ADAMTS19: variants seen among roughly 807,000 people sequenced by gnomAD.
ADAMTS19 encodes ADAM metallopeptidase with thrombospondin type 1 motif 19, also known as A disintegrin and metalloproteinase with thrombospondin motifs 19.
Under a neutral mutation model 153.3 loss-of-function variants are expected in ADAMTS19, and 93 were observed. That is an observed-to-expected ratio of 0.61 (90% CI 0.51 to 0.72). The LOEUF (loss-of-function observed/expected upper bound fraction) is 0.72. Among genes scored for constraint, ADAMTS19 ranks in the 30% least tolerant of loss-of-function variants. ADAMTS19 has a pLI of 0.00. For missense variants in ADAMTS19, 1,482 were observed against 1,552.1 expected (o/e 0.95, Z 0.76); for synonymous variants, 600 against 556.6 (o/e 1.08, Z -1.10).
intron 21 of ADAMTS19, among the ~76,000 whole-genome samples, chr5:129,728,888 T>G (rs1318463127): frequency 2.0e-5 from 3 of 152,174 alleles, no homozygotes; most frequent in Non-Finnish European, 2.9e-5. Context: ...TTCTGAGACA[T>G]TCAAGCAAAC....
intron 7 of ADAMTS19, among the ~76,000 whole-genome samples, chr5:129,592,686 A>G (rs1750197941): frequency 1.3e-5 from 2 of 152,172 alleles, no homozygotes; most frequent in African/African-American, 4.8e-5. Flanking sequence ...CTTGAGCAAA[A>G]TAAGAATAGG....
chr5:129,504,233 CT>C (rs1364847567), intron 2 of ADAMTS19, among the ~76,000 whole-genome samples: 5 of 152,184 alleles, frequency 3.3e-5, no homozygotes, highest in Non-Finnish European at 5.9e-5. Context: ...CATCCTTGCA[CT>C]TGTCTTATGC....
intron 3 of ADAMTS19, among the ~76,000 whole-genome samples, chr5:129,522,358 T>TAC (rs1409891266): frequency 1.9e-4 from 26 of 137,894 alleles, no homozygotes; most frequent in Non-Finnish European, 3.7e-4. Context: ...TATATATATA[T>TAC]ATATATATGA....
chr5:129,542,293 G>T (rs901782379), intron 6 of ADAMTS19, among the ~76,000 whole-genome samples: 1 of 152,120 alleles, frequency 6.6e-6, no homozygotes, highest in Non-Finnish European at 1.5e-5. Flanking sequence ...GGGTTTCAAT[G>T]TGGGGGGATA....
chr5:129,619,934 AAG>A (rs1416571141), intron 8 of ADAMTS19, among the ~76,000 whole-genome samples: 6 of 152,170 alleles, frequency 3.9e-5, no homozygotes, highest in African/African-American at 1.4e-4. Context: ...AAAGCATAAA[AAG>A]AGAGCAAGAG....
At chr5:129,537,946 CA>C (rs1242580772) in intron 6 of ADAMTS19, among the ~76,000 whole-genome samples, 2 of 149,996 alleles carry the variant, frequency 1.3e-5, no homozygotes, top group Non-Finnish European at 3.0e-5. Context: ...AATAAATACA[CA>C]AAAAAAGAAA....
At chr5:129,547,802 G>A (rs1752917061) in intron 6 of ADAMTS19, among the ~76,000 whole-genome samples, 2 of 150,758 alleles carry the variant, frequency 1.3e-5, no homozygotes, top group African/African-American at 5.0e-5. Context: ...AACCAAAACA[G>A]CATGGTACTG....
chr5:129,686,706 C>A (rs1450447143), intron 18 of ADAMTS19, among the ~76,000 whole-genome samples: 4 of 152,126 alleles, frequency 2.6e-5, no homozygotes, highest in Non-Finnish European at 5.9e-5. Flanking sequence ...GGGCTCAGAG[C>A]TTTGAGGTTC....
intron 6 of ADAMTS19, among the ~76,000 whole-genome samples, chr5:129,537,776 T>TGGGATGG (rs1752504731): frequency 6.7e-6 from 1 of 149,166 alleles, no homozygotes; most frequent in Non-Finnish European, 1.5e-5. Context: ...GGGCCTGTTG[T>TGGGATGG]GGGATGGGGG....
chr5:129,660,164 T>C (rs527821977), intron 15 of ADAMTS19, among the ~76,000 whole-genome samples: 2 of 152,258 alleles, frequency 1.3e-5, no homozygotes, highest in East Asian at 3.9e-4. Flanking sequence ...ACTGAACATC[T>C]TAAAGCCGAG....
At chr5:129,678,948 A>T (rs1315258566) in intron 16 of ADAMTS19, among the ~76,000 whole-genome samples, 4 of 152,190 alleles carry the variant, frequency 2.6e-5, no homozygotes, top group Non-Finnish European at 5.9e-5. Flanking sequence ...TAGGAAAGAC[A>T]GTAAAGTTGT....
chr5:129,656,144 C>T (rs1187495923), intron 14 of ADAMTS19, among the ~76,000 whole-genome samples: 1 of 151,650 alleles, frequency 6.6e-6, no homozygotes, highest in Non-Finnish European at 1.5e-5. Context: ...TTACAGAGTC[C>T]CTGGGTAAAA....
chr5:129,536,940 A>C (rs1469787511), intron 6 of ADAMTS19, among the ~76,000 whole-genome samples: 5 of 151,952 alleles, frequency 3.3e-5, no homozygotes, highest in Admixed American at 6.6e-5. Context: ...GGATAGCATT[A>C]GGAGATATAC....
chr5:129,623,825 T>G (rs1044394412), intron 10 of ADAMTS19, among the ~76,000 whole-genome samples: 1 of 151,334 alleles, frequency 6.6e-6, no homozygotes, highest in African/African-American at 2.4e-5. Flanking sequence ...ATGTGATGTG[T>G]AAAAGGCTGT....
At position 129,686,723 on chromosome 5, in the gene ADAMTS19, G is replaced by T. The variant is rs1210090372; in HGVS notation, c.2818+2450G>T. On this transcript the variant is annotated intron_variant, in intron 18 of 22. Coordinates refer to ENST00000274487, the MANE Select transcript of ADAMTS19 (RefSeq NM_133638.6). ...GCTCAGAGCTTTGAGGTTCTCACCTGACTCCAGGAGCATCTTTGCCAGAGC... is the reference window on the plus strand; with the variant it reads ...GCTCAGAGCTTTGAGGTTCTCACCTTACTCCAGGAGCATCTTTGCCAGAGC... Among the ~76,000 whole-genome samples the T allele has an allele frequency of 1.2e-4, 19 of 152,162 alleles. 1 individual carries two copies. The highest frequency in any genetic ancestry group is 9.8e-4 in the Admixed American group (15 of 15,272).
At chr5:129,653,278 T>A (rs909565478) in intron 13 of ADAMTS19, among the ~76,000 whole-genome samples, 3 of 152,198 alleles carry the variant, frequency 2.0e-5, no homozygotes, top group African/African-American at 7.2e-5. Flanking sequence ...AGGACCTGAC[T>A]GGCATCAAGC....
At chr5:129,709,708 T>G (rs1366546714) in intron 21 of ADAMTS19, among the ~76,000 whole-genome samples, 1 of 152,182 alleles carries the variant, frequency 6.6e-6, no homozygotes, top group Non-Finnish European at 1.5e-5. Context: ...ATTCCTTACG[T>G]ACATACTTAA....
chr5:129,544,681 T>G (rs1476537315), intron 6 of ADAMTS19, among the ~76,000 whole-genome samples: 1 of 152,132 alleles, frequency 6.6e-6, no homozygotes, highest in Non-Finnish European at 1.5e-5. Flanking sequence ...GAGGGAGTTT[T>G]TTGAACTAAA....
intron 6 of ADAMTS19, among the ~76,000 whole-genome samples, chr5:129,529,149 AT>A (rs1752113746): frequency 6.6e-6 from 1 of 152,122 alleles, no homozygotes; most frequent in Non-Finnish European, 1.5e-5. Context: ...ACTAACAAAT[AT>A]TTTTAATATA....
Sources: allele counts gnomAD v4.1 joint callset (sites outside exome capture counted in the v4.1 genomes callset), GRCh38; gene constraint gnomAD v4.1.1; transcripts MANE v1.5; gene names NCBI Gene and HGNC (gene_info 2026-07-23, HGNC 2026-07-21).